NFASC: variants seen among roughly 807,000 people sequenced by gnomAD.
NFASC encodes neurofascin homolog.
In NFASC, 43 loss-of-function variants were observed where a neutral mutation model predicts 147.5. The observed-to-expected ratio is 0.29, with a 90% CI of 0.23 to 0.38. NFASC has a LOEUF of 0.38. Ranked by LOEUF, NFASC falls within the 10% of genes least tolerant of loss-of-function variation. NFASC has a pLI of 1.00. For missense variants in NFASC, 1,320 were observed against 1,689.0 expected, an observed-to-expected ratio of 0.78 and a Z score of 3.83; for synonymous variants, 622 against 665.5, an observed-to-expected ratio of 0.93 and a Z score of 1.01.
At chr1:204,992,888 C>T (rs1362859449) in intron 24 of NFASC, among the ~76,000 whole-genome samples, 2 of 123,854 alleles carry the variant, frequency 1.6e-5, no homozygotes, top group Non-Finnish European at 3.6e-5. Context: ...ACCCCACTTC[C>T]TACTTCCCAT....
chr1:204,999,988 G>T, intron 25 of NFASC: 1 of 152,274 alleles, frequency 6.6e-6, no homozygotes. Context: ...CCAGACTGCT[G>T]GGACTCTTGC....
At chr1:204,878,083 A>G (rs147808837) in intron 1 of NFASC, among the ~76,000 whole-genome samples, 8 of 152,340 alleles carry the variant, frequency 5.3e-5, no homozygotes, top group African/African-American at 1.4e-4. Flanking sequence ...GTTTGATTCC[A>G]TTAAGCTTGT....
In NFASC at chr1:204,857,339, T is replaced by C. The variant is rs202033562; in HGVS notation, c.-200+28557T>C. ...TCTCGATTCTGCTTCCCATACTTGC[T>C]CTGGCATCGCCAACCTTGTCTTCTC... On this transcript the variant is annotated intron_variant, in intron 1 of 29. Coordinates refer to ENST00000339876, the MANE Select transcript of NFASC (RefSeq NM_001005388.3). Among the ~76,000 whole-genome samples, 5 of 152,336 alleles carry C rather than the reference T, an allele frequency of 3.3e-5. No homozygotes were observed. In the East Asian group the frequency reaches 9.6e-4, roughly 29 times the overall value.
rs1228408482 is a variant in NFASC at position 204,968,295 on chromosome 1, C to T, written c.753C>T (p.Gly251=). 1 of 1,614,210 alleles carries T rather than the reference C, an allele frequency of 6.2e-7. No individual in the cohort carries two copies. Among genetic ancestry groups the T allele is most frequent in the Non-Finnish European group, 8.5e-7 (1 of 1,180,026 alleles). ...ERTPSFMYPQ[G]TASSQMVLRG... Reference sequence around the variant, plus strand: ...CACCAAGCTTCATGTATCCCCAGGGCACCGCGAGCAGCCAGATGGTGCTTC... The same window carrying T: ...CACCAAGCTTCATGTATCCCCAGGGTACCGCGAGCAGCCAGATGGTGCTTC... Residue 251 remains glycine (G), a synonymous_variant, in exon 9 of 30, where the codon GGC becomes GGT. Transcript: ENST00000339876. This position sits in a 1 kb window ranked among gnomAD's most constrained non-coding sequence, Gnocchi z 5.4.
intron 4 of NFASC, among the ~76,000 whole-genome samples, chr1:204,951,670 C>A (rs371250560): frequency 5.9e-5 from 9 of 151,826 alleles, no homozygotes; most frequent in African/African-American, 2.2e-4. Context: ...GGGGTTTCAC[C>A]GTGTTAGCCA....
At chr1:204,868,754 C>G (rs555118512) in intron 1 of NFASC, among the ~76,000 whole-genome samples, 1 of 152,306 alleles carries the variant, frequency 6.6e-6, no homozygotes, top group Non-Finnish European at 1.5e-5. Flanking sequence ...AGCATGGGGG[C>G]AGCTACCCTC....
At chr1:204,919,741 G>A (rs2090074505) in intron 1 of NFASC, among the ~76,000 whole-genome samples, 1 of 152,020 alleles carries the variant, frequency 6.6e-6, no homozygotes, top group African/African-American at 2.4e-5. Flanking sequence ...CCATTCTCCT[G>A]CCTCAGCCTC....
intron 27 of NFASC, among the ~76,000 whole-genome samples, chr1:205,005,261 T>C (rs572324433): frequency 6.6e-6 from 1 of 151,680 alleles, no homozygotes; most frequent in East Asian, 1.9e-4. Context: ...TCCCTATTTC[T>C]AGAACATAAT....
chr1:204,832,244 T>C (rs997034515), intron 1 of NFASC, among the ~76,000 whole-genome samples: 3 of 152,180 alleles, frequency 2.0e-5, no homozygotes, highest in African/African-American at 7.2e-5. Flanking sequence ...TGCTTAACTC[T>C]CCCAATCCCA....
intron 2 of NFASC, among the ~76,000 whole-genome samples, chr1:204,941,101 A>G (rs1490259876): frequency 6.6e-6 from 1 of 152,238 alleles, no homozygotes; most frequent in African/African-American, 2.4e-5. Context: ...AAATCCCTGG[A>G]CTAGGAGTCA....
chr1:204,835,101 T>C (rs1558473192), intron 1 of NFASC, among the ~76,000 whole-genome samples: 1 of 151,904 alleles, frequency 6.6e-6, no homozygotes, highest in African/African-American at 2.4e-5. Flanking sequence ...TGTCCAAATA[T>C]AAGTAATATT....
chr1:204,966,318 C>T (rs145010162), intron 8 of NFASC, among the ~76,000 whole-genome samples: 6 of 152,206 alleles, frequency 3.9e-5, no homozygotes, highest in African/African-American at 4.8e-5. Flanking sequence ...GTAAATTAAA[C>T]GTCCATAGGG....
intron 24 of NFASC, among the ~76,000 whole-genome samples, chr1:204,994,887 A>G (rs2095813979): frequency 6.6e-6 from 1 of 152,172 alleles, no homozygotes; most frequent in Admixed American, 6.5e-5. Context: ...CTGAGGCTAG[A>G]GAATTGCTTG....
chr1:204,993,896 G>A, intron 24 of NFASC: 1 of 433,340 alleles, frequency 2.3e-6, no homozygotes, highest in South Asian at 1.6e-5. Flanking sequence ...CCTGAGCAGT[G>A]GAAGGTTTTC....
At position 204,981,944 on chromosome 1, in the gene NFASC, G is replaced by T; in HGVS notation, c.2394G>T (p.Glu798Asp). The T allele has an allele frequency of 6.2e-7, 1 of 1,608,290 alleles. No individual in the cohort carries two copies. The highest frequency in any genetic ancestry group is 8.5e-7 in the Non-Finnish European group (1 of 1,177,440). Residue 798 changes from glutamate (E) to aspartate (D), a missense_variant, in exon 21 of 30, where the codon GAG becomes GAT. Coordinates refer to ENST00000339876, the MANE Select transcript of NFASC (RefSeq NM_001005388.3). ...VGQTPVYVPYEIRVQAENDFG... is the reference protein window; with the variant it reads ...VGQTPVYVPYDIRVQAENDFG... ...AGACCCCAGTCTACGTGCCCTATGA[G>T]ATCCGAGTCCAGGCTGAAAATGACT...
intron 1 of NFASC, among the ~76,000 whole-genome samples, chr1:204,859,017 G>A (rs1307436397): frequency 2.1e-5 from 3 of 144,834 alleles, no homozygotes; most frequent in Non-Finnish European, 3.0e-5. Context: ...TTGCTCTGTC[G>A]CCCAGGCTGG....
chr1:204,861,618 T>C (rs1024909892), intron 1 of NFASC, among the ~76,000 whole-genome samples: 1 of 152,086 alleles, frequency 6.6e-6, no homozygotes, highest in Non-Finnish European at 1.5e-5. Flanking sequence ...GCCTCCCGAG[T>C]AGCTGGGACT....
chr1:204,906,516 C>T (rs1043239087), intron 1 of NFASC, among the ~76,000 whole-genome samples: 7 of 152,154 alleles, frequency 4.6e-5, no homozygotes, highest in African/African-American at 1.7e-4. Context: ...TAACTCGCTG[C>T]GTGTATCAGT....
At chr1:204,997,124 C>T (rs1488133536) in intron 24 of NFASC, 46 bp from the exon 25 acceptor site, 3 of 1,576,358 alleles carry the variant, frequency 1.9e-6, no homozygotes, top group East Asian at 2.2e-5. Flanking sequence ...CCAGGCTGGG[C>T]ACAGCCAAAC....
Sources: allele counts gnomAD v4.1 joint callset (sites outside exome capture counted in the v4.1 genomes callset), GRCh38; gene constraint gnomAD v4.1.1; non-coding constraint Gnocchi (gnomAD v3.1); transcripts MANE v1.5; gene names NCBI Gene and HGNC (gene_info 2026-07-23, HGNC 2026-07-21).